Variants in VPS37C observed in about 807,000 individuals in gnomAD.
VPS37C encodes the protein vacuolar protein sorting-associated protein 37C.
In VPS37C, 9 loss-of-function variants were observed where a neutral mutation model predicts 16.1. That is an observed-to-expected ratio of 0.56 (90% confidence interval 0.34 to 0.97). VPS37C has a LOEUF of 0.97. Among genes scored for constraint, VPS37C ranks in the 50% least tolerant of loss-of-function variants. The pLI is 0.02. For missense variants in VPS37C, 479 were observed against 472.7 expected, an observed-to-expected ratio of 1.01 and a Z score of -0.12; for synonymous variants, 207 against 206.4, an observed-to-expected ratio of 1.00 and a Z score of -0.02.
chr11:61,141,229 G>A (rs1861467718), intron 1 of VPS37C, among the ~76,000 whole-genome samples: 3 of 151,974 alleles, frequency 2.0e-5, no homozygotes, highest in African/African-American at 4.8e-5. Flanking sequence ...TTAGCCCGGC[G>A]TGGTGGCACA....
rs200187718 is a variant in VPS37C at position 61,133,244 on chromosome 11, C to T, written c.348+11G>A. On this transcript the variant is annotated intron_variant, in intron 4 of 4. Coordinates refer to ENST00000301765, the MANE Select transcript of VPS37C (RefSeq NM_017966.5). ...CGTCCAGGGAAGAGGGGTGTCGCCT[C>T]GCCCTCTCACCTCGGACTCTTCTTC... The T allele has an allele frequency of 3.5e-5, 56 of 1,613,916 alleles. No individual in the cohort carries two copies. The East Asian group carries it at 1.2e-3, about 34-fold the overall frequency.
rs1861282919 is a variant in VPS37C at position 61,132,313 on chromosome 11, T to C, written c.575A>G (p.Glu192Gly). 4.4e-6 allele frequency: 7 copies of C among 1,588,768 alleles called. No homozygotes were observed. The highest frequency in any genetic ancestry group is 6.0e-6 in the Non-Finnish European group (7 of 1,165,348). ...VPQGTPPVVE[E>G]QPQPPLAMPP... The stretch of plus-strand genomic sequence containing the variant: ...CATGGCTAATGGTGGCTGCGGCTGC[T>C]CTTCAACCACAGGGGGTGTTCCCTG... Residue 192 changes from glutamate (E) to glycine (G), a missense_variant, in exon 5 of 5, where the codon GAG becomes GGG. Transcript: ENST00000301765.
Position 61,130,968 on chromosome 11 carries a change from T to TCGCC in VPS37C, c.*848_*851dup, listed in dbSNP as rs1001385559. ...ATGGATGCGTGGGCCTCGGGCAAAG[T>TCGCC]CGCCCTAAAGTGGGGACCCCAGAGG... is the stretch of plus-strand genomic sequence containing the variant. On this transcript the variant is annotated 3_prime_UTR_variant, in exon 5 of 5. Transcript: ENST00000301765. 1 of 345,086 alleles carries TCGCC rather than the reference T, an allele frequency of 2.9e-6. No individual in the cohort carries two copies. Among genetic ancestry groups the TCGCC allele is most frequent in the Non-Finnish European group, 5.5e-6 (1 of 181,544 alleles). 21.4% of individuals were successfully genotyped at this position (345,086 alleles called of 1,614,324 possible). A position where few individuals can be genotyped will look rare whatever the true frequency, so the allele number is the denominator to read the frequency against.
At chr11:61,156,305 G>C (rs767535288) in intron 1 of VPS37C, among the ~76,000 whole-genome samples, 1 of 152,118 alleles carries the variant, frequency 6.6e-6, no homozygotes, top group South Asian at 2.1e-4. Flanking sequence ...AGCAACCCCC[G>C]GCCAGGTGCA....
chr11:61,132,009 A>C lies in VPS37C; in HGVS notation c.879T>G (p.Ser293Arg). 1 of 1,375,868 alleles carries C rather than the reference A, an allele frequency of 7.3e-7. No homozygotes were observed. Among genetic ancestry groups the C allele is most frequent in the Non-Finnish European group, 9.4e-7 (1 of 1,060,728 alleles). The allele number at this position is 1,375,868 out of a possible 1,614,324, so 85.2% of individuals were successfully genotyped here. A position where few individuals can be genotyped will look rare whatever the true frequency, so the allele number is the denominator to read the frequency against. ...GYPLRGGRAP[S>R]PGYPQQSPYP... The stretch of plus-strand genomic sequence containing the variant: ...ATGGGGACTGTTGAGGATAACCAGG[A>C]CTGGGGGCCCTGCCTCCCCGCAAGG... Residue 293 changes from serine to arginine, a missense_variant, in exon 5 of 5, where the codon AGT becomes AGG. Coordinates refer to ENST00000301765, the MANE Select transcript of VPS37C (RefSeq NM_017966.5).
chr11:61,132,615 C>A (rs1051281149), intron 4 of VPS37C, 76 bp from the exon 5 acceptor site: 1 of 1,511,498 alleles, frequency 6.6e-7, no homozygotes, highest in Non-Finnish European at 8.8e-7. Context: ...GGTCTGAGTT[C>A]AGCTGCAGCC....
chr11:61,158,990 T>G (rs1415155053), intron 1 of VPS37C, among the ~76,000 whole-genome samples: 1 of 152,152 alleles, frequency 6.6e-6, no homozygotes, highest in Non-Finnish European at 1.5e-5. Flanking sequence ...CAAGGACACT[T>G]CTAACAGAAT....
chr11:61,134,100 G>A lies in VPS37C; in HGVS notation c.201C>T (p.Leu67=). ...QGPLEISRSN[L]SDRYQELRKL... ...TCCGGAGCTCCTGGTATCTATCCGAGAGGTTTGAGCGGCTGATCTCCAGGG... is the reference window on the plus strand; with the variant it reads ...TCCGGAGCTCCTGGTATCTATCCGAAAGGTTTGAGCGGCTGATCTCCAGGG... The change falls in exon 3 of 5, where the codon CTC becomes CTT. Residue 67 remains leucine, a synonymous_variant. Coordinates refer to ENST00000301765, the MANE Select transcript of VPS37C (RefSeq NM_017966.5). The A allele has an allele frequency of 6.2e-7, 1 of 1,613,958 alleles. No homozygotes were observed. The highest frequency in any genetic ancestry group is 8.5e-7 in the Non-Finnish European group (1 of 1,179,950).
At position 61,134,197 on chromosome 11, in the gene VPS37C, A is replaced by C; in HGVS notation, c.104T>G (p.Leu35Arg). ...LALESPEVQDLQLEREMALAT... is the reference protein window; with the variant it reads ...LALESPEVQDRQLEREMALAT... The stretch of plus-strand genomic sequence containing the variant: ...CAGTGCCATCTCCCGTTCCAGCTGT[A>C]GGTCCTGGACCTAAAAGGGCAGGAC... Residue 35 changes from leucine (L) to arginine (R), a missense_variant, in exon 3 of 5, where the codon CTA (leucine) becomes CGA (arginine). Coordinates refer to ENST00000301765, the MANE Select transcript of VPS37C (RefSeq NM_017966.5). 2 of 1,613,300 alleles carry C rather than the reference A, an allele frequency of 1.2e-6. No homozygotes were observed. Among genetic ancestry groups the C allele is most frequent in the Non-Finnish European group, 1.7e-6 (2 of 1,179,458 alleles).
At chr11:61,143,968 AT>A (rs1345869109) in intron 1 of VPS37C, 1,963 of 141,556 alleles carry the variant, frequency 0.014, 16 homozygotes, top group Non-Finnish European at 0.02. Context: ...CCGATTCTTA[AT>A]TTTTTTTTTT....
Position 61,134,217 on chromosome 11 carries a change from C to A in VPS37C, c.94-10G>T, listed in dbSNP as rs1333830677. The A allele has an allele frequency of 1.9e-6, 3 of 1,605,544 alleles. No homozygotes were observed. The East Asian group carries it at 6.7e-5, about 36-fold the overall frequency. On this transcript the variant is annotated splice_polypyrimidine_tract_variant and intron_variant, in intron 2 of 4. Coordinates refer to ENST00000301765, the MANE Select transcript of VPS37C (RefSeq NM_017966.5). ...GCTGTAGGTCCTGGACCTAAAAGGG[C>A]AGGACAACAGAACCTAAGGAAAACG...
Position 61,132,039 on chromosome 11 carries a change from C to T in VPS37C, c.849G>A (p.Gly283=). The T allele has an allele frequency of 6.5e-6, 9 of 1,382,582 alleles. No homozygotes were observed. Among genetic ancestry groups the T allele is most frequent in the African/African-American group, 1.5e-5 (1 of 66,642 alleles). 85.6% of individuals were successfully genotyped at this position (1,382,582 alleles called of 1,614,324 possible). ...GGGCCCTGCCTCCCCGCAAGGGGTA[C>T]CCAGGCCCAGAGGCACCCATTGGGG... The part of the protein sequence containing the change: ...PGTPMGASGP[G]YPLRGGRAPS... The change falls in exon 5 of 5, where the codon GGG becomes GGA. Residue 283 remains glycine, a synonymous_variant. Transcript: ENST00000301765.
intron 2 of VPS37C, among the ~76,000 whole-genome samples, chr11:61,136,746 G>A (rs1033679346): frequency 6.6e-6 from 1 of 152,194 alleles, no homozygotes; most frequent in Non-Finnish European, 1.5e-5. Context: ...AGCTAGAAAA[G>A]GAAGGAGTCG....
At chr11:61,148,095 C>T (rs557198851) in intron 1 of VPS37C, among the ~76,000 whole-genome samples, 3 of 152,188 alleles carry the variant, frequency 2.0e-5, no homozygotes, top group Non-Finnish European at 4.4e-5. Flanking sequence ...TATTCCACCT[C>T]CTGGCGTTAC....
chr11:61,131,681 C>T lies in VPS37C; in HGVS notation c.*139G>A, dbSNP rs767771476. The T allele has an allele frequency of 2.8e-4, 329 of 1,162,000 alleles. No homozygotes were observed. The highest frequency in any genetic ancestry group is 3.4e-4 in the Non-Finnish European group (312 of 924,796). The allele number at this position is 1,162,000 out of a possible 1,614,324, so 72.0% of individuals were successfully genotyped here. On this transcript the variant is annotated 3_prime_UTR_variant, in exon 5 of 5. Transcript: ENST00000301765. ...AGTCACACCGCCCAGTGCCTTGTCC[C>T]TCCAAGGCCTCTGGGTGCCGACGCA...
intron 1 of VPS37C, chr11:61,145,603 T>C (rs995866485): frequency 3.9e-5 from 6 of 152,246 alleles, no homozygotes; most frequent in Non-Finnish European, 7.3e-5. Flanking sequence ...GTCCCTAATA[T>C]GGAGAAGGGA....
At chr11:61,142,197 A>G (rs1861483388) in intron 1 of VPS37C, among the ~76,000 whole-genome samples, 1 of 152,268 alleles carries the variant, frequency 6.6e-6, no homozygotes, top group Non-Finnish European at 1.5e-5. Flanking sequence ...TGTGGATTAT[A>G]GCTATCGGTA....
At chr11:61,148,946 G>A (rs1339865175) in intron 1 of VPS37C, among the ~76,000 whole-genome samples, 1 of 152,198 alleles carries the variant, frequency 6.6e-6, no homozygotes, top group African/African-American at 2.4e-5. Context: ...CTGGGTTGGG[G>A]TTGGAGATTC....
At chr11:61,134,257 C>A in intron 2 of VPS37C, 50 bp from the exon 3 acceptor site, 1 of 1,572,844 alleles carries the variant, frequency 6.4e-7, no homozygotes, top group South Asian at 1.1e-5. Context: ...TCACCCTTAA[C>A]CTCCTGGCAG....
Sources: gnomAD v4.1 joint callset for allele counts (sites outside exome capture counted in the v4.1 genomes callset) on GRCh38, gnomAD v4.1.1 for gene constraint, MANE v1.5 for transcripts, NCBI Gene and HGNC (gene_info 2026-07-23, HGNC 2026-07-21) for gene names.